MTUS2: variants seen among roughly 807,000 people sequenced by gnomAD.
MTUS2 encodes the protein microtubule associated scaffold protein 2.
A neutral mutation model predicts 114.1 loss-of-function variants in MTUS2; 40 were observed. The observed-to-expected ratio is 0.35, with a 90% CI of 0.27 to 0.46. The LOEUF (loss-of-function observed/expected upper bound fraction) is 0.46, where lower values mean the gene tolerates loss of function less well. Among genes scored for constraint, MTUS2 ranks in the 20% least tolerant of loss-of-function variants. The pLI is 1.00. For synonymous variants in MTUS2, 688 were observed against 672.0 expected (o/e 1.02, Z -0.37); for missense variants, 1,679 against 1,705.4 (o/e 0.98, Z 0.27).
intron 2 of MTUS2, among the ~76,000 whole-genome samples, chr13:28,973,933 AAT>A: frequency 6.6e-6 from 1 of 152,114 alleles, no homozygotes; most frequent in African/African-American, 2.4e-5. Flanking sequence ...AGAGGGTGAA[AAT>A]GTAGGTGCCT....
chr13:28,885,298 G>A (rs1229547009), intron 2 of MTUS2, among the ~76,000 whole-genome samples: 1 of 152,208 alleles, frequency 6.6e-6, no homozygotes, highest in African/African-American at 2.4e-5. Context: ...ATACCAAGAG[G>A]TCAGCAGGGA....
intron 5 of MTUS2, among the ~76,000 whole-genome samples, chr13:29,135,422 G>T (rs1176752220): frequency 6.6e-6 from 1 of 152,044 alleles, no homozygotes; most frequent in Non-Finnish European, 1.5e-5. Context: ...TGTGTCCTTG[G>T]ATTTAAAGTG....
intron 9 of MTUS2, among the ~76,000 whole-genome samples, chr13:29,469,825 A>G (rs1880144881): frequency 6.6e-6 from 1 of 151,634 alleles, no homozygotes; most frequent in Non-Finnish European, 1.5e-5. Flanking sequence ...AATAATAAAA[A>G]TAAATAAAAT....
chr13:29,322,571 A>G (rs1566129867), intron 6 of MTUS2, among the ~76,000 whole-genome samples: 1 of 152,274 alleles, frequency 6.6e-6, no homozygotes, highest in East Asian at 1.9e-4. Flanking sequence ...ACAGGTGAGG[A>G]TAGAATAGAT....
At chr13:28,896,260 G>A (rs1194023708) in intron 2 of MTUS2, among the ~76,000 whole-genome samples, 1 of 152,084 alleles carries the variant, frequency 6.6e-6, no homozygotes, top group Non-Finnish European at 1.5e-5. Flanking sequence ...ACCAATAACA[G>A]ACAAACAGAG....
chr13:29,432,099 C>T (rs867934930), intron 8 of MTUS2, among the ~76,000 whole-genome samples: 1 of 151,358 alleles, frequency 6.6e-6, no homozygotes, highest in African/African-American at 2.4e-5. Flanking sequence ...GTGATCCACC[C>T]ACCTCGGCCA....
At chr13:29,450,380 TA>T (rs1346038082) in intron 9 of MTUS2, among the ~76,000 whole-genome samples, 1 of 152,130 alleles carries the variant, frequency 6.6e-6, no homozygotes, top group Non-Finnish European at 1.5e-5. Context: ...CTGTCGTATG[TA>T]AGTATGAGGT....
chr13:29,466,736 G>GT (rs1235137515), intron 9 of MTUS2, among the ~76,000 whole-genome samples: 1 of 151,994 alleles, frequency 6.6e-6, no homozygotes, highest in Non-Finnish European at 1.5e-5. Flanking sequence ...AATTAGCCAG[G>GT]TGTGGTGGTG....
intron 5 of MTUS2, among the ~76,000 whole-genome samples, chr13:29,155,762 CAT>C (rs1447602635): frequency 1.3e-5 from 2 of 151,996 alleles, no homozygotes; most frequent in East Asian, 1.9e-4. Flanking sequence ...TGATTACAGT[CAT>C]AGAGATATGT....
intron 4 of MTUS2, among the ~76,000 whole-genome samples, chr13:29,039,451 A>G (rs1316448414): frequency 1.3e-5 from 2 of 152,196 alleles, no homozygotes; most frequent in Non-Finnish European, 2.9e-5. Context: ...TCACGGAATC[A>G]GGGACGTCAC....
chr13:29,487,868 C>CT (rs761056502), intron 10 of MTUS2, 32 bp from the exon 11 acceptor site: 1 of 1,530,584 alleles, frequency 6.5e-7, no homozygotes, highest in Non-Finnish European at 9.1e-7. Flanking sequence ...AAGCAGCTCT[C>CT]TGTCTAACCA....
intron 2 of MTUS2, among the ~76,000 whole-genome samples, chr13:28,993,008 T>A (rs1424964056): frequency 6.6e-6 from 1 of 152,224 alleles, no homozygotes; most frequent in African/African-American, 2.4e-5. Context: ...GTTTTTTCAT[T>A]GATCTTTTTC....
At chr13:28,848,210 C>A (rs1203648651) in intron 2 of MTUS2, among the ~76,000 whole-genome samples, 2 of 152,138 alleles carry the variant, frequency 1.3e-5, no homozygotes, top group Non-Finnish European at 2.9e-5. Flanking sequence ...AATTTACTAT[C>A]TTTCCAAGAA....
chr13:29,369,228 G>A (rs1286347815), intron 8 of MTUS2, among the ~76,000 whole-genome samples: 2 of 152,146 alleles, frequency 1.3e-5, no homozygotes, highest in Admixed American at 6.5e-5. Flanking sequence ...ATTATCAAAC[G>A]GTTTATTTAG....
chr13:29,306,628 G>A (rs1899474561), intron 6 of MTUS2: 1 of 201,248 alleles, frequency 5.0e-6, no homozygotes, highest in African/African-American at 2.3e-5. Flanking sequence ...ACTGCTCAAG[G>A]AAATCACAGA....
At chr13:28,876,397 G>A (rs940852039) in intron 2 of MTUS2, among the ~76,000 whole-genome samples, 2 of 152,112 alleles carry the variant, frequency 1.3e-5, no homozygotes, top group South Asian at 2.1e-4. Flanking sequence ...TGAGCAGTAC[G>A]GCAGGGTTCC....
intron 4 of MTUS2, among the ~76,000 whole-genome samples, chr13:29,071,663 T>C (rs907766767): frequency 3.3e-5 from 5 of 152,020 alleles, no homozygotes; most frequent in African/African-American, 9.7e-5. Flanking sequence ...CCTGACTTCA[T>C]GATCCGCCCG....
chr13:29,389,443 G>GTGTGTATGTATACACGTGTGTGTGTGTA (rs1566173069), intron 8 of MTUS2, among the ~76,000 whole-genome samples: 2 of 81,236 alleles, frequency 2.5e-5, no homozygotes, highest in Admixed American at 1.3e-4. Flanking sequence ...GTGTGTATGT[G>GTGTGTATGTATACACGTGTGTGTGTGTA]TATGTATACA....
chr13:29,017,317 G>A (rs1287878097), intron 2 of MTUS2, among the ~76,000 whole-genome samples: 1 of 152,172 alleles, frequency 6.6e-6, no homozygotes, highest in Admixed American at 6.5e-5. Context: ...GGCAGGAGGT[G>A]TAGTTGGAGC....
Sources: gnomAD v4.1 joint callset for allele counts (sites outside exome capture counted in the v4.1 genomes callset) on GRCh38, gnomAD v4.1.1 for gene constraint, MANE v1.5 for transcripts, NCBI Gene and HGNC (gene_info 2026-07-23, HGNC 2026-07-21) for gene names.